The following LRRC4C variants were observed in gnomAD, a reference collection of about 807,000 sequenced individuals.
LRRC4C encodes leucine rich repeat containing 4C.
A neutral mutation model predicts 33.6 loss-of-function variants in LRRC4C; 5 were observed. The ratio of observed to expected loss-of-function variants is 0.15; its 90% CI spans 0.08 to 0.31. LRRC4C has a LOEUF of 0.31. Among genes scored for constraint, LRRC4C ranks in the 10% least tolerant of loss-of-function variants. The pLI is 1.00. For missense variants in LRRC4C, 560 were observed against 796.7 expected (o/e 0.70, Z 3.58); for synonymous variants, 329 against 302.0 (o/e 1.09, Z -0.93).
intron 1 of LRRC4C, among the ~76,000 whole-genome samples, chr11:41,145,435 G>T (rs372493505): frequency 6.6e-6 from 1 of 152,138 alleles, no homozygotes; most frequent in Non-Finnish European, 1.5e-5. Flanking sequence ...TACACGCTAT[G>T]GTCAAAATTG....
chr11:40,522,769 C>T (rs925457088), intron 3 of LRRC4C, among the ~76,000 whole-genome samples: 3 of 152,128 alleles, frequency 2.0e-5, no homozygotes, highest in Non-Finnish European at 2.9e-5. Context: ...TTTGACTACT[C>T]TAGGTACTTC....
At chr11:40,298,556 G>C (rs1944625079) in intron 4 of LRRC4C, among the ~76,000 whole-genome samples, 1 of 151,646 alleles carries the variant, frequency 6.6e-6, no homozygotes, top group Non-Finnish European at 1.5e-5. Context: ...TGTGTGAATA[G>C]TATCAGCTAA....
intron 2 of LRRC4C, among the ~76,000 whole-genome samples, chr11:40,728,860 C>T (rs982344335): frequency 2.0e-5 from 3 of 151,854 alleles, no homozygotes; most frequent in African/African-American, 4.8e-5. Flanking sequence ...AGGTCATTAT[C>T]CTCAATGAAT....
chr11:40,538,289 C>A (rs1328336664), intron 3 of LRRC4C, among the ~76,000 whole-genome samples: 2 of 152,040 alleles, frequency 1.3e-5, no homozygotes, highest in Non-Finnish European at 1.5e-5. Context: ...CCCCTTCCCC[C>A]CAACCCACAC....
chr11:40,149,741 T>TG (rs998481924), intron 5 of LRRC4C, among the ~76,000 whole-genome samples: 5 of 152,228 alleles, frequency 3.3e-5, no homozygotes, highest in Admixed American at 2.6e-4. Context: ...TAAAAACATC[T>TG]GGGAGAAAAA....
intron 3 of LRRC4C, among the ~76,000 whole-genome samples, chr11:40,627,398 G>A (rs1963059136): frequency 2.6e-5 from 4 of 152,048 alleles, no homozygotes; most frequent in African/African-American, 4.8e-5. Flanking sequence ...ACAGTTGAAC[G>A]TCTTTAGTAT....
intron 4 of LRRC4C, among the ~76,000 whole-genome samples, chr11:40,287,553 A>G (rs1453526916): frequency 6.6e-6 from 1 of 152,162 alleles, no homozygotes; most frequent in East Asian, 1.9e-4. Context: ...TTATAAGCAC[A>G]GTGTCTCAGC....
chr11:41,404,378 A>C (rs1954138437), intron 1 of LRRC4C, among the ~76,000 whole-genome samples: 1 of 151,760 alleles, frequency 6.6e-6, no homozygotes, highest in Non-Finnish European at 1.5e-5. Flanking sequence ...GATGGGACTA[A>C]TTTTTCAATT....
intron 3 of LRRC4C, among the ~76,000 whole-genome samples, chr11:40,605,974 G>T (rs925099031): frequency 3.3e-5 from 5 of 152,140 alleles, no homozygotes; most frequent in African/African-American, 4.8e-5. Context: ...TCTCTAGATG[G>T]CTGGGGGCTG....
chr11:40,796,195 A>G (rs1479964150), intron 2 of LRRC4C, among the ~76,000 whole-genome samples: 1 of 152,244 alleles, frequency 6.6e-6, no homozygotes, highest in African/African-American at 2.4e-5. Context: ...GAGCTTGGGC[A>G]GTATTGGATA....
intron 5 of LRRC4C, among the ~76,000 whole-genome samples, chr11:40,191,777 A>G (rs1180840281): frequency 6.6e-6 from 1 of 152,122 alleles, no homozygotes; most frequent in Non-Finnish European, 1.5e-5. Context: ...CCTGGGCAAC[A>G]TAGTGAGACC....
At chr11:40,987,616 T>G in intron 1 of LRRC4C, among the ~76,000 whole-genome samples, 1 of 135,576 alleles carries the variant, frequency 7.4e-6, no homozygotes, top group African/African-American at 2.7e-5. Flanking sequence ...GCTCTGCAGG[T>G]ACAAGTGGGT....
intron 3 of LRRC4C, among the ~76,000 whole-genome samples, chr11:40,354,536 G>A (rs970686245): frequency 6.6e-6 from 1 of 152,156 alleles, no homozygotes; most frequent in East Asian, 1.9e-4. Flanking sequence ...AGCTGAGCTG[G>A]CACCCAAGCT....
chr11:40,856,765 A>T (rs113604833), intron 2 of LRRC4C, among the ~76,000 whole-genome samples: 14 of 152,304 alleles, frequency 9.2e-5, no homozygotes, highest in African/African-American at 3.4e-4. Context: ...TGATCAAGAC[A>T]AACTTGTCTC....
At chr11:40,366,787 T>C (rs1407416719) in intron 3 of LRRC4C, among the ~76,000 whole-genome samples, 1 of 152,074 alleles carries the variant, frequency 6.6e-6, no homozygotes, top group Non-Finnish European at 1.5e-5. Context: ...GAGGTTTTCA[T>C]TTAAAGTGCA....
chr11:41,329,030 A>T (rs568236858), intron 1 of LRRC4C, among the ~76,000 whole-genome samples: 2 of 152,336 alleles, frequency 1.3e-5, no homozygotes, highest in South Asian at 2.1e-4. Context: ...ACTGAAAAAT[A>T]GTATGTGTTT....
At chr11:40,486,177 CAG>C (rs1953856578) in intron 3 of LRRC4C, among the ~76,000 whole-genome samples, 1 of 149,894 alleles carries the variant, frequency 6.7e-6, no homozygotes, top group Non-Finnish European at 1.5e-5. Flanking sequence ...AAAAAGGAGC[CAG>C]AGTTAGAATC....
chr11:40,872,542 T>G (rs4373910), intron 2 of LRRC4C, among the ~76,000 whole-genome samples: 2 of 152,174 alleles, frequency 1.3e-5, no homozygotes, highest in Non-Finnish European at 2.9e-5. Context: ...CTATGTTACT[T>G]AAATGTCTCT....
intron 2 of LRRC4C, among the ~76,000 whole-genome samples, chr11:40,898,872 C>A (rs375061852): frequency 7.2e-5 from 11 of 152,074 alleles, no homozygotes; most frequent in African/African-American, 2.7e-4. Flanking sequence ...AAGCACAGAC[C>A]TGTCACTGAT....
Sources: gnomAD v4.1 joint callset for allele counts (sites outside exome capture counted in the v4.1 genomes callset) on GRCh38, gnomAD v4.1.1 for gene constraint, MANE v1.5 for transcripts, NCBI Gene and HGNC (gene_info 2026-07-23, HGNC 2026-07-21) for gene names.